The following YPEL1 variants were observed in gnomAD, a reference collection of about 807,000 sequenced individuals.
The protein encoded by YPEL1 is yippee like 1.
A neutral mutation model predicts 17.3 loss-of-function variants in YPEL1; 7 were observed. That is an observed-to-expected ratio of 0.40 (90% CI 0.23 to 0.76). The LOEUF (loss-of-function observed/expected upper bound fraction) is 0.76. Among genes scored for constraint, YPEL1 ranks in the 30% least tolerant of loss-of-function variants. YPEL1 has a pLI of 0.35. For missense variants in YPEL1, 91 were observed against 155.5 expected, an observed-to-expected ratio of 0.59 and a Z score of 2.21; for synonymous variants, 59 against 59.6, an observed-to-expected ratio of 0.99 and a Z score of 0.05.
chr22:21,713,398 A>G (rs1394830986), intron 1 of YPEL1, among the ~76,000 whole-genome samples: 1 of 152,184 alleles, frequency 6.6e-6, no homozygotes, highest in Non-Finnish European at 1.5e-5. Context: ...CATGATCAAA[A>G]TGTGGCGTCT....
Position 21,703,433 on chromosome 22 carries a change from G to T in YPEL1, c.207C>A (p.Thr69=), listed in dbSNP as rs773575429. 1.9e-6 allele frequency: 3 copies of T among 1,612,702 alleles called. No homozygotes were observed. Among genetic ancestry groups the T allele is most frequent in the Non-Finnish European group, 2.5e-6 (3 of 1,179,990 alleles). The change falls in exon 4 of 5, where the codon ACC becomes ACA. Residue 69 remains threonine, a synonymous_variant. Transcript: ENST00000339468. The surrounding 1 kb of genome is among the most constrained non-coding windows in gnomAD (Gnocchi z 6.1). Reference sequence around the variant, plus strand: ...AGATGTCGGCAACCGCATGCAGCCCGGTGAGAAGGACCCTCTCCTCTGCAG... The same window carrying T: ...AGATGTCGGCAACCGCATGCAGCCCTGTGAGAAGGACCCTCTCCTCTGCAG... ...CGPAEERVLL[T]GLHAVADIYC... is the part of the protein sequence containing the mutation.
At chr22:21,728,993 A>G (rs1464386290) in intron 1 of YPEL1, among the ~76,000 whole-genome samples, 1 of 152,110 alleles carries the variant, frequency 6.6e-6, no homozygotes, top group Admixed American at 6.6e-5. Flanking sequence ...AAATACAAAA[A>G]TTAGCCGGGC....
At chr22:21,705,602 T>C (rs1264983318) in intron 2 of YPEL1, among the ~76,000 whole-genome samples, 6 of 152,150 alleles carry the variant, frequency 3.9e-5, no homozygotes, top group Non-Finnish European at 7.4e-5. Flanking sequence ...GCACACACTA[T>C]AGGACCCAGC....
At position 21,699,347 on chromosome 22, in the gene YPEL1, T is replaced by TGCCCTCTGCCC. The variant is rs1475065689; in HGVS notation, c.*1771_*1781dup. On this transcript the variant is annotated 3_prime_UTR_variant, in exon 5 of 5. Coordinates refer to ENST00000339468, the MANE Select transcript of YPEL1 (RefSeq NM_013313.5). Reference sequence around the variant, plus strand: ...TCTGCTGCCCCTCGGTCCCCCTGCCTGCCCTCTGCCCTGAGACAAGTTACT... The same window carrying TGCCCTCTGCCC: ...TCTGCTGCCCCTCGGTCCCCCTGCCTGCCCTCTGCCCGCCCTCTGCCCTGAGACAAGTTACT... The TGCCCTCTGCCC allele has an allele frequency of 6.5e-6, 1 of 152,820 alleles. No homozygotes were observed. The highest frequency in any genetic ancestry group is 2.4e-5 in the African/African-American group (1 of 41,466). The allele number at this position is 152,820 out of a possible 1,614,324, so 9.5% of individuals were successfully genotyped here. A position where few individuals can be genotyped will look rare whatever the true frequency, so the allele number is the denominator to read the frequency against.
chr22:21,734,916 G>A lies in YPEL1; in HGVS notation c.-165+699C>T, dbSNP rs139212782. On this transcript the variant is annotated intron_variant, in intron 1 of 4. Coordinates refer to ENST00000339468, the MANE Select transcript of YPEL1 (RefSeq NM_013313.5). Reference sequence around the variant, plus strand: ...TAAGGTGGGTATGTTTTAGATAGAGGAAGAAGAAATGCAACGGAACAGAAA... The same window carrying A: ...TAAGGTGGGTATGTTTTAGATAGAGAAAGAAGAAATGCAACGGAACAGAAA... Among the ~76,000 whole-genome samples the A allele has an allele frequency of 4.8e-3, 738 of 152,272 alleles. 2 individuals are homozygous for A. The highest frequency in any genetic ancestry group is 0.017 in the Middle Eastern group (5 of 292).
At chr22:21,711,840 G>A (rs934326233) in intron 1 of YPEL1, among the ~76,000 whole-genome samples, 1 of 152,168 alleles carries the variant, frequency 6.6e-6, no homozygotes, top group East Asian at 1.9e-4. Flanking sequence ...CCAAAAGCAT[G>A]GGCAGCAAAA....
intron 4 of YPEL1, 68 bp from the exon 5 acceptor site, chr22:21,701,286 C>CAAAAAAAAA: frequency 8.3e-7 from 1 of 1,204,776 alleles, no homozygotes; most frequent in Non-Finnish European, 1.2e-6. Flanking sequence ...ACTCTTTTGG[C>CAAAAAAAAA]AAAAACCCCC....
At chr22:21,712,502 G>T (rs1337437502) in intron 1 of YPEL1, among the ~76,000 whole-genome samples, 1 of 151,188 alleles carries the variant, frequency 6.6e-6, no homozygotes, top group Non-Finnish European at 1.5e-5. Flanking sequence ...CGAAGAAGGT[G>T]GATCACTAGG....
In YPEL1 at chr22:21,713,397, A is replaced by C. The variant is rs137994598; in HGVS notation, c.-164-2489T>G. 7.1e-3 allele frequency among the ~76,000 whole-genome samples: 1,075 copies of C among 152,264 alleles called. 15 individuals are homozygous for C. Among genetic ancestry groups the C allele is most frequent in the African/African-American group, 0.023 (972 of 41,552 alleles). On this transcript the variant is annotated intron_variant, in intron 1 of 4. Coordinates refer to ENST00000339468, the MANE Select transcript of YPEL1 (RefSeq NM_013313.5). ...CACAAACGGGCATTCTCATGATCAA[A>C]ATGTGGCGTCTGCATACAGTGGAAT...
chr22:21,717,131 CGGGGCTGG>C (rs2068232043), intron 1 of YPEL1, among the ~76,000 whole-genome samples: 2 of 62,194 alleles, frequency 3.2e-5, no homozygotes, highest in Non-Finnish European at 7.7e-5. Flanking sequence ...TTTGGGAGGC[CGGGGCTGG>C]GGGGGCGGGG....
chr22:21,732,254 T>C lies in YPEL1; in HGVS notation c.-165+3361A>G, dbSNP rs546558449. Among the ~76,000 whole-genome samples the C allele has an allele frequency of 1.1e-4, 17 of 152,326 alleles. No individual in the cohort carries two copies. In the South Asian group the frequency reaches 3.3e-3, roughly 30 times the overall value. On this transcript the variant is annotated intron_variant, in intron 1 of 4. Coordinates refer to ENST00000339468, the MANE Select transcript of YPEL1 (RefSeq NM_013313.5). The stretch of plus-strand genomic sequence containing the variant: ...TGCTCCAAAAACCCTTAGCCCTCTA[T>C]GTCTTGGCTATTGAGAACTTTCTTC...
intron 1 of YPEL1, among the ~76,000 whole-genome samples, chr22:21,715,808 G>T (rs1406437582): frequency 7.3e-6 from 1 of 137,024 alleles, no homozygotes; most frequent in African/African-American, 2.5e-5. Context: ...TTATTGCCCA[G>T]GCTGGAGTGC....
intron 1 of YPEL1, among the ~76,000 whole-genome samples, chr22:21,716,591 A>G (rs1050898773): frequency 1.3e-5 from 2 of 152,416 alleles, no homozygotes; most frequent in East Asian, 3.9e-4. Context: ...CCAAAAGCTC[A>G]CAGTTGATGG....
chr22:21,718,462 C>CA (rs1205970950), intron 1 of YPEL1, among the ~76,000 whole-genome samples: 17 of 147,362 alleles, frequency 1.2e-4, no homozygotes, highest in South Asian at 2.1e-4. Context: ...GAGGCTCCAT[C>CA]AAAAAAAAAT....
In YPEL1 at chr22:21,703,715, G is replaced by GT. The variant is rs1555903197; in HGVS notation, c.161+123_161+124insA. On this transcript the variant is annotated intron_variant, in intron 3 of 4. Coordinates refer to ENST00000339468, the MANE Select transcript of YPEL1 (RefSeq NM_013313.5). This position sits in a 1 kb window ranked among gnomAD's most constrained non-coding sequence, Gnocchi z 6.1. The stretch of plus-strand genomic sequence containing the variant: ...GCGCGTTTCAGAAACTCCCGGCGGG[G>GT]GGATGGTGGGTTCTTTCAGGACCCC... The GT allele has an allele frequency of 2.8e-4, 316 of 1,130,164 alleles. No individual in the cohort carries two copies. The highest frequency in any genetic ancestry group is 3.3e-4 in the Non-Finnish European group (265 of 795,638). The allele number at this position is 1,130,164 out of a possible 1,614,324, so 70.0% of individuals were successfully genotyped here. A position where few individuals can be genotyped will look rare whatever the true frequency, so the allele number is the denominator to read the frequency against.
chr22:21,704,021 C>A (rs570215301), intron 2 of YPEL1, 139 bp from the exon 3 acceptor site: 2 of 904,182 alleles, frequency 2.2e-6, no homozygotes, highest in Non-Finnish European at 1.8e-6. Context: ...CGGCGTCCCC[C>A]CTCCAGAACT....
At chr22:21,731,009 T>C (rs111502288) in intron 1 of YPEL1, among the ~76,000 whole-genome samples, 32 of 152,310 alleles carry the variant, frequency 2.1e-4, no homozygotes, top group African/African-American at 7.0e-4. Flanking sequence ...CATTTTTTTT[T>C]CTACCATTAG....
chr22:21,704,658 G>GAAAAAA (rs34942655), intron 2 of YPEL1, among the ~76,000 whole-genome samples: 1 of 88,162 alleles, frequency 1.1e-5, no homozygotes, highest in African/African-American at 4.1e-5. Flanking sequence ...ACCCCGTCTC[G>GAAAAAA]AAAAAAAAAA....
intron 1 of YPEL1, among the ~76,000 whole-genome samples, chr22:21,720,267 G>C (rs1228212655): frequency 6.6e-6 from 1 of 151,188 alleles, no homozygotes; most frequent in Non-Finnish European, 1.5e-5. Context: ...CAGTGGCATG[G>C]TCACACAGCT....
Sources: allele counts gnomAD v4.1 joint callset (sites outside exome capture counted in the v4.1 genomes callset), GRCh38; gene constraint gnomAD v4.1.1; non-coding constraint Gnocchi (gnomAD v3.1); transcripts MANE v1.5; gene names NCBI Gene and HGNC (gene_info 2026-07-23, HGNC 2026-07-21).